The following CABIN1 variants were observed in gnomAD, a reference collection of about 807,000 sequenced individuals.
The protein encoded by CABIN1 is calcineurin binding protein 1, also known as calcineurin-binding protein cabin-1.
Under a neutral mutation model 227.7 loss-of-function variants are expected in CABIN1, and 133 were observed. The ratio of observed to expected loss-of-function variants is 0.58; its 90% CI spans 0.51 to 0.67. CABIN1 has a LOEUF of 0.67. Ranked by LOEUF, CABIN1 falls within the 30% of genes least tolerant of loss-of-function variation. The pLI is 0.00. For missense variants in CABIN1, 2,408 were observed against 2,852.5 expected (o/e 0.84, Z 3.55); for synonymous variants, 1,086 against 1,155.1 (o/e 0.94, Z 1.21).
intron 29 of CABIN1, among the ~76,000 whole-genome samples, chr22:24,135,339 G>A (rs1159895296): frequency 6.6e-6 from 1 of 151,934 alleles, no homozygotes; most frequent in African/African-American, 2.4e-5. Context: ...GCAGTGAGCC[G>A]AGATGGTGCC....
chr22:24,059,149 TTTCTC>T (rs2039012218), intron 10 of CABIN1, 73 bp from the exon 11 acceptor site: 76 of 1,582,482 alleles, frequency 4.8e-5, no homozygotes, highest in Non-Finnish European at 6.3e-5. Context: ...TCAGATTTAG[TTTCTC>T]TAACAGGAAG....
intron 1 of CABIN1, among the ~76,000 whole-genome samples, chr22:24,021,100 A>G (rs138283834): frequency 0.012 from 1,756 of 152,006 alleles, 36 homozygotes; most frequent in African/African-American, 0.04. Flanking sequence ...CCTGGGTTCA[A>G]GTGATCCTCC....
intron 1 of CABIN1, among the ~76,000 whole-genome samples, chr22:24,026,098 A>G (rs965361504): frequency 6.6e-6 from 1 of 152,030 alleles, no homozygotes; most frequent in Non-Finnish European, 1.5e-5. Flanking sequence ...CTGTCTCCCA[A>G]AGTGCTAGGA....
intron 16 of CABIN1, among the ~76,000 whole-genome samples, chr22:24,070,304 C>T (rs778977790): frequency 5.9e-5 from 9 of 152,210 alleles, no homozygotes; most frequent in Non-Finnish European, 1.2e-4. Context: ...GAGGAGGAGG[C>T]TGATAGAGTG....
At chr22:24,025,494 G>C (rs1234893645) in intron 1 of CABIN1, among the ~76,000 whole-genome samples, 2 of 152,124 alleles carry the variant, frequency 1.3e-5, no homozygotes, top group East Asian at 3.8e-4. Flanking sequence ...TGTAGGTTTG[G>C]AACCAGCCAG....
intron 7 of CABIN1, among the ~76,000 whole-genome samples, chr22:24,049,948 C>G (rs1305527120): frequency 6.6e-6 from 1 of 152,154 alleles, no homozygotes; most frequent in Non-Finnish European, 1.5e-5. Flanking sequence ...GTCCTGATGC[C>G]TGCCAGCAGG....
rs2041157640 is a variant in CABIN1, at chr22:24,086,293, C to T, written c.3263+1142C>T. Reference sequence around the variant, plus strand: ...CATCTGAAAAGTGAGGGTGATAAAACCCACCTGTCTTTGCATGGCACCTCT... The same window carrying T: ...CATCTGAAAAGTGAGGGTGATAAAATCCACCTGTCTTTGCATGGCACCTCT... On this transcript the variant is annotated intron_variant, in intron 22 of 36. Coordinates refer to ENST00000263119, the MANE Select transcript of CABIN1 (RefSeq NM_012295.4). Among the ~76,000 whole-genome samples the T allele has an allele frequency of 4.6e-5, 7 of 152,240 alleles. No homozygotes were observed. The South Asian group carries it at 1.4e-3, about 32-fold the overall frequency.
intron 29 of CABIN1, among the ~76,000 whole-genome samples, chr22:24,137,714 G>A (rs1219146204): frequency 6.6e-6 from 1 of 152,268 alleles, no homozygotes; most frequent in Non-Finnish European, 1.5e-5. Context: ...CTAGTGTCCA[G>A]TATGTCAAGA....
rs1486132991 is a variant in CABIN1, at chr22:24,096,178, C to T, written c.3938+96C>T. 4.5e-6 allele frequency: 6 copies of T among 1,347,122 alleles called. No homozygotes were observed. The East Asian group carries it at 1.4e-4, about 31-fold the overall frequency. 83.4% of individuals were successfully genotyped at this position (1,347,122 alleles called of 1,614,324 possible). A position where few individuals can be genotyped will look rare whatever the true frequency, so the allele number is the denominator to read the frequency against. ...ATGTGTTGTTCAGAGGGTTGCTACA[C>T]AGTAAACAGTAAACTAGAACTCATG... On this transcript the variant is annotated intron_variant, in intron 25 of 36. Coordinates refer to ENST00000263119, the MANE Select transcript of CABIN1 (RefSeq NM_012295.4).
At chr22:24,051,006 G>A (rs776877303) in intron 8 of CABIN1, 32 bp downstream of exon 8, 2 of 1,613,694 alleles carry the variant, frequency 1.2e-6, no homozygotes, top group East Asian at 4.5e-5. Flanking sequence ...GGAGTGCTGG[G>A]TCGGCCAGTA....
chr22:24,047,476 C>T (rs2037980906), intron 6 of CABIN1, among the ~76,000 whole-genome samples: 1 of 152,208 alleles, frequency 6.6e-6, no homozygotes. Context: ...TCACTGATGG[C>T]TACCCTTCAG....
At chr22:24,133,504 G>T (rs2044204300) in intron 28 of CABIN1, among the ~76,000 whole-genome samples, 1 of 152,252 alleles carries the variant, frequency 6.6e-6, no homozygotes, top group African/African-American at 2.4e-5. Context: ...CGGGAGGGGA[G>T]GACAGATTGG....
rs1162503571 is a variant in CABIN1, at chr22:24,177,708, T to C, written c.6410T>C (p.Ile2137Thr). 6.2e-7 allele frequency: 1 copy of C among 1,612,860 alleles called. No homozygotes were observed. Among genetic ancestry groups the C allele is most frequent in the Non-Finnish European group, 8.5e-7 (1 of 1,179,414 alleles). The change falls in exon 36 of 37, where the codon ATC (isoleucine) becomes ACC (threonine). Residue 2137 changes from isoleucine to threonine, a missense_variant. Ile to Thr is a moderately conservative substitution (Grantham distance 89). Around this residue, in one of 3 missense-constraint regions of CABIN1, gnomAD observed 714 missense variants for 773.8 expected, o/e 0.92. Transcript: ENST00000263119. The surrounding 1 kb of genome is among the most constrained non-coding windows in gnomAD (Gnocchi z 4.4). Reference protein sequence around the residue: ...RPLPNMPKLVIPSAATKFPPE... With the variant: ...RPLPNMPKLVTPSAATKFPPE... ...CTGCCCAACATGCCAAAGCTGGTCA[T>C]CCCCTCCGCCGCCACCAAGTTCCCC...
chr22:24,128,472 C>T (rs537787346), intron 28 of CABIN1, among the ~76,000 whole-genome samples: 2 of 152,304 alleles, frequency 1.3e-5, no homozygotes, highest in Non-Finnish European at 2.9e-5. Context: ...GGTGAGTTTG[C>T]AGTAGGTATG....
intron 32 of CABIN1, 112 bp from the exon 33 acceptor site, chr22:24,168,335 C>A: frequency 9.4e-7 from 1 of 1,064,944 alleles, no homozygotes; most frequent in Non-Finnish European, 1.4e-6. Context: ...GGCACCCGAG[C>A]CACAGGGCAT....
At chr22:24,061,839 T>C (rs936741343) in intron 12 of CABIN1, 108 bp from the exon 13 acceptor site, 4 of 791,024 alleles carry the variant, frequency 5.1e-6, no homozygotes, top group Non-Finnish European at 8.8e-6. Context: ...GAAAGAATTA[T>C]ATTTTTATCA....
At chr22:24,033,945 G>C (rs1030166612) in intron 1 of CABIN1, among the ~76,000 whole-genome samples, 3 of 152,136 alleles carry the variant, frequency 2.0e-5, no homozygotes, top group African/African-American at 7.2e-5. Flanking sequence ...CTAAACCAGC[G>C]GTTCCCATCC....
At chr22:24,094,823 C>CAAAAAAAAAAAAAA (rs201624847) in intron 24 of CABIN1, among the ~76,000 whole-genome samples, 1 of 78,374 alleles carries the variant, frequency 1.3e-5, no homozygotes, top group Non-Finnish European at 2.9e-5. Context: ...GACTCCGTCT[C>CAAAAAAAAAAAAAA]AAAAAAAAAA....
chr22:24,148,889 A>G (rs768835119), intron 29 of CABIN1, among the ~76,000 whole-genome samples: 1 of 152,188 alleles, frequency 6.6e-6, no homozygotes, highest in Non-Finnish European at 1.5e-5. Flanking sequence ...CAGAGAAGTC[A>G]ACCCTTAGGT....
Sources: allele counts gnomAD v4.1 joint callset (sites outside exome capture counted in the v4.1 genomes callset), GRCh38; gene constraint gnomAD v4.1.1; regional missense constraint gnomAD v4.1.1; non-coding constraint Gnocchi (gnomAD v3.1); transcripts MANE v1.5; gene names NCBI Gene and HGNC (gene_info 2026-07-23, HGNC 2026-07-21).